ASTN2: variants seen among roughly 807,000 people sequenced by gnomAD.
ASTN2 encodes the protein astrotactin 2, also known as astrotactin-2.
ASTN2 carries 54 observed loss-of-function variants against 139.8 expected under a neutral mutation model. The observed-to-expected ratio is 0.39, with a 90% CI of 0.31 to 0.48. ASTN2 has a LOEUF of 0.48. Ranked by LOEUF, ASTN2 falls within the 20% of genes least tolerant of loss-of-function variation. The pLI, the probability that ASTN2 is intolerant of heterozygous loss-of-function variation, is 0.95. For missense variants in ASTN2, 1,565 were observed against 1,725.1 expected (o/e 0.91, Z 1.64); for synonymous variants, 756 against 719.5 (o/e 1.05, Z -0.81).
At chr9:116,857,174 T>G (rs1290669297) in intron 11 of ASTN2, among the ~76,000 whole-genome samples, 1 of 152,228 alleles carries the variant, frequency 6.6e-6, no homozygotes, top group Non-Finnish European at 1.5e-5. Context: ...AGTCTTTGTA[T>G]GGATAGTTGC....
chr9:116,996,028 A>C (rs1837004556), intron 7 of ASTN2, among the ~76,000 whole-genome samples: 1 of 151,804 alleles, frequency 6.6e-6, no homozygotes, highest in Admixed American at 6.6e-5. Flanking sequence ...TTTTTTAGAG[A>C]CAGCGTCTCA....
chr9:117,293,454 G>A (rs1834646909), intron 1 of ASTN2, among the ~76,000 whole-genome samples: 1 of 152,036 alleles, frequency 6.6e-6, no homozygotes, highest in Non-Finnish European at 1.5e-5. Flanking sequence ...TAAGTTATTA[G>A]GCCAAGCAAA....
At chr9:117,097,777 A>G (rs1412191716) in intron 4 of ASTN2, among the ~76,000 whole-genome samples, 1 of 152,238 alleles carries the variant, frequency 6.6e-6, no homozygotes, top group Non-Finnish European at 1.5e-5. Flanking sequence ...AGGATTTATT[A>G]TGTAATTTCC....
chr9:116,554,243 T>C (rs926043375), intron 19 of ASTN2, among the ~76,000 whole-genome samples: 4 of 152,022 alleles, frequency 2.6e-5, no homozygotes, highest in African/African-American at 9.7e-5. Flanking sequence ...ATGTATAATA[T>C]TTTTCTCAAG....
chr9:117,239,114 C>T (rs1833132540), intron 2 of ASTN2, among the ~76,000 whole-genome samples: 1 of 152,178 alleles, frequency 6.6e-6, no homozygotes, highest in Admixed American at 6.5e-5. Context: ...GATTCAGATT[C>T]CTGAATCCCA....
At chr9:116,968,519 A>C (rs531632113) in intron 10 of ASTN2, among the ~76,000 whole-genome samples, 1 of 152,224 alleles carries the variant, frequency 6.6e-6, no homozygotes, top group South Asian at 2.1e-4. Flanking sequence ...GAGAGAAAAG[A>C]GCATGCATGT....
Position 116,764,124 on chromosome 9 carries a change from T to C in ASTN2, c.2397-30601A>G, listed in dbSNP as rs766164674. On this transcript the variant is annotated intron_variant, in intron 13 of 22. Coordinates refer to ENST00000313400, the MANE Select transcript of ASTN2 (RefSeq NM_001365068.1). ...GAGAAATCACATGTCTGGGCCAAGGTCATACAGCTAGTGTGGCAGAGGCTG... is the reference window on the plus strand; with the variant it reads ...GAGAAATCACATGTCTGGGCCAAGGCCATACAGCTAGTGTGGCAGAGGCTG... 2.2e-4 allele frequency among the ~76,000 whole-genome samples: 33 copies of C among 152,244 alleles called. 1 individual carries two copies. The highest frequency in any genetic ancestry group is 1.0e-3 in the Admixed American group (16 of 15,298).
intron 11 of ASTN2, among the ~76,000 whole-genome samples, chr9:116,841,258 T>C (rs1222762397): frequency 2.0e-5 from 3 of 151,470 alleles, no homozygotes; most frequent in Admixed American, 2.0e-4. Flanking sequence ...GCACCTGCAA[T>C]CGCAGGCACT....
intron 7 of ASTN2, among the ~76,000 whole-genome samples, chr9:116,991,721 A>G (rs1342600878): frequency 6.6e-6 from 1 of 152,156 alleles, no homozygotes; most frequent in Admixed American, 6.5e-5. Context: ...CCTTGCATTC[A>G]GGACAAGATT....
Position 116,888,873 on chromosome 9 carries a change from T to A in ASTN2, c.1890-25140A>T, listed in dbSNP as rs1833686028. Reference sequence around the variant, plus strand: ...CCCTCCCCACAATCCCCCCTCAAGGTCCCAGTGTTGTTCCTCTCCCTGTGT... The same window carrying A: ...CCCTCCCCACAATCCCCCCTCAAGGACCCAGTGTTGTTCCTCTCCCTGTGT... On this transcript the variant is annotated intron_variant, in intron 10 of 22. Transcript: ENST00000313400. Among the ~76,000 whole-genome samples the A allele has an allele frequency of 3.9e-5, 6 of 152,070 alleles. No homozygotes were observed. The South Asian group carries it at 1.2e-3, about 32-fold the overall frequency.
intron 16 of ASTN2, among the ~76,000 whole-genome samples, chr9:116,718,003 T>C (rs369694329): frequency 6.6e-6 from 1 of 152,234 alleles, no homozygotes; most frequent in Non-Finnish European, 1.5e-5. Context: ...CAAGCAGGCA[T>C]GGTCCCTGCC....
chr9:116,952,667 TC>T, intron 10 of ASTN2, among the ~76,000 whole-genome samples: 1 of 152,242 alleles, frequency 6.6e-6, no homozygotes, highest in Non-Finnish European at 1.5e-5. Flanking sequence ...GATGAAATGA[TC>T]AATTTGCTCC....
intron 3 of ASTN2, among the ~76,000 whole-genome samples, chr9:117,180,409 C>T (rs1172662560): frequency 6.6e-6 from 1 of 152,178 alleles, no homozygotes; most frequent in Non-Finnish European, 1.5e-5. Context: ...ATCCCCTTTC[C>T]CTTGCCCCTG....
chr9:117,368,963 A>T (rs1829921647), intron 1 of ASTN2, among the ~76,000 whole-genome samples: 1 of 152,128 alleles, frequency 6.6e-6, no homozygotes, highest in African/African-American at 2.4e-5. Context: ...AAACGGGGTA[A>T]ATTGATCTAA....
chr9:117,035,116 C>A (rs1372650636), intron 6 of ASTN2, among the ~76,000 whole-genome samples: 3 of 152,102 alleles, frequency 2.0e-5, no homozygotes, highest in Non-Finnish European at 4.4e-5. Flanking sequence ...AGGGCCAGCA[C>A]CTGGGCAGCT....
At chr9:117,142,216 C>T (rs1830092141) in intron 3 of ASTN2, among the ~76,000 whole-genome samples, 1 of 152,162 alleles carries the variant, frequency 6.6e-6, no homozygotes, top group Admixed American at 6.5e-5. Flanking sequence ...CAAAAGGTAT[C>T]ACCAAAAGGT....
intron 3 of ASTN2, among the ~76,000 whole-genome samples, chr9:117,155,366 A>G (rs1175441133): frequency 6.6e-6 from 1 of 152,006 alleles, no homozygotes; most frequent in Non-Finnish European, 1.5e-5. Flanking sequence ...TTTTGGTGAA[A>G]TAATAGAGAT....
intron 19 of ASTN2, among the ~76,000 whole-genome samples, chr9:116,489,760 T>G (rs1279581547): frequency 6.6e-6 from 1 of 152,232 alleles, no homozygotes; most frequent in Non-Finnish European, 1.5e-5. Context: ...CTAGAAGGTA[T>G]TTGCTCCTTT....
intron 11 of ASTN2, among the ~76,000 whole-genome samples, chr9:116,850,895 G>A (rs1832580210): frequency 2.0e-5 from 3 of 152,176 alleles, no homozygotes; most frequent in African/African-American, 7.2e-5. Flanking sequence ...TCCTATCATT[G>A]TGCAGAAAGG....
Sources: allele counts gnomAD v4.1 joint callset (sites outside exome capture counted in the v4.1 genomes callset), GRCh38; gene constraint gnomAD v4.1.1; transcripts MANE v1.5; gene names NCBI Gene and HGNC (gene_info 2026-07-23, HGNC 2026-07-21).